Variants in ZFAND3 observed in about 807,000 individuals in gnomAD.
The protein encoded by ZFAND3 is zinc finger AN1-type containing 3.
A neutral mutation model predicts 29.6 loss-of-function variants in ZFAND3; 10 were observed. The ratio of observed to expected loss-of-function variants is 0.34; its 90% CI spans 0.21 to 0.57. The LOEUF (loss-of-function observed/expected upper bound fraction) is 0.57. ZFAND3 is among the 20% of genes least tolerant of loss of function. ZFAND3 has a pLI of 0.86. For synonymous variants in ZFAND3, 128 were observed against 112.6 expected (o/e 1.14, Z -0.87); for missense variants, 230 against 304.5 (o/e 0.76, Z 1.82).
At chr6:38,087,431 A>G (rs1008091690) in intron 4 of ZFAND3, among the ~76,000 whole-genome samples, 10 of 152,198 alleles carry the variant, frequency 6.6e-5, no homozygotes, top group African/African-American at 2.4e-4. Flanking sequence ...ATATTTGCAA[A>G]CTACTCATCT....
At chr6:38,000,509 T>G (rs1296092811) in intron 2 of ZFAND3, among the ~76,000 whole-genome samples, 3 of 152,100 alleles carry the variant, frequency 2.0e-5, no homozygotes, top group Non-Finnish European at 2.9e-5. Context: ...GAGACACATC[T>G]TACATGGTGG....
intron 2 of ZFAND3, among the ~76,000 whole-genome samples, chr6:37,973,686 T>C (rs188926963): frequency 6.6e-6 from 1 of 152,374 alleles, no homozygotes; most frequent in East Asian, 1.9e-4. Flanking sequence ...AGCTAGTGTT[T>C]CTGAGAGAAA....
intron 5 of ZFAND3, among the ~76,000 whole-genome samples, chr6:38,141,094 A>C (rs1054577720): frequency 2.0e-5 from 3 of 150,214 alleles, no homozygotes; most frequent in Admixed American, 6.8e-5. Flanking sequence ...TTGTACTTCT[A>C]AGCTCCTCGG....
intron 1 of ZFAND3, among the ~76,000 whole-genome samples, chr6:37,920,052 C>CTTTTTTTTT (rs11389241): frequency 1.1e-5 from 1 of 93,408 alleles, no homozygotes; most frequent in Admixed American, 1.3e-4. Flanking sequence ...TTTTTTGAAG[C>CTTTTTTTTT]TTTTTTTTTT....
At chr6:37,907,479 A>G (rs1561929670) in intron 1 of ZFAND3, among the ~76,000 whole-genome samples, 1 of 152,186 alleles carries the variant, frequency 6.6e-6, no homozygotes, top group Non-Finnish European at 1.5e-5. Context: ...AAATGGAATC[A>G]TAATGTATAG....
intron 5 of ZFAND3, among the ~76,000 whole-genome samples, chr6:38,129,122 A>G (rs1272544047): frequency 6.6e-6 from 1 of 152,070 alleles, no homozygotes; most frequent in Non-Finnish European, 1.5e-5. Flanking sequence ...TGCCATTTGT[A>G]TATCTTCTTT....
intron 2 of ZFAND3, among the ~76,000 whole-genome samples, chr6:37,967,824 T>G (rs1290457691): frequency 6.6e-6 from 1 of 152,214 alleles, no homozygotes; most frequent in Admixed American, 6.5e-5. Flanking sequence ...CTGTTTTTCC[T>G]TTTTAAGTGT....
intron 1 of ZFAND3, among the ~76,000 whole-genome samples, chr6:37,894,330 T>C (rs1765157485): frequency 6.6e-6 from 1 of 152,036 alleles, no homozygotes; most frequent in Non-Finnish European, 1.5e-5. Context: ...TTTGTGTAGG[T>C]TCATATTTTC....
intron 1 of ZFAND3, among the ~76,000 whole-genome samples, chr6:37,876,528 G>C (rs1764795511): frequency 6.6e-6 from 1 of 152,170 alleles, no homozygotes; most frequent in South Asian, 2.1e-4. Flanking sequence ...TGTTGTAAAG[G>C]CTGTATATTT....
intron 1 of ZFAND3, among the ~76,000 whole-genome samples, chr6:37,873,054 C>A (rs772918231): frequency 5.9e-5 from 9 of 152,054 alleles, no homozygotes; most frequent in Non-Finnish European, 8.8e-5. Flanking sequence ...GTCAGGAGAT[C>A]GAGACCATCT....
chr6:38,154,408 G>C lies in ZFAND3; in HGVS notation c.*2019G>C. On this transcript the variant is annotated 3_prime_UTR_variant, in exon 6 of 6. Transcript: ENST00000287218. ...GGGGGGTGGGGCTTGTTCCCCTGCA[G>C]TATCTGTTCTGTGAAGTTTGTTAAA... is the stretch of plus-strand genomic sequence containing the variant. 1.0e-6 allele frequency: 1 copy of C among 985,844 alleles called. No homozygotes were observed. The highest frequency in any genetic ancestry group is 1.7e-5 in the African/African-American group (1 of 57,328). 61.1% of individuals were successfully genotyped at this position (985,844 alleles called of 1,614,324 possible).
chr6:38,089,637 A>G (rs1281864092), intron 4 of ZFAND3, among the ~76,000 whole-genome samples: 1 of 152,198 alleles, frequency 6.6e-6, no homozygotes, highest in Admixed American at 6.5e-5. Context: ...TCAGAAGCTA[A>G]AGGTGTTGGT....
At chr6:38,145,471 A>C (rs184457365) in intron 5 of ZFAND3, among the ~76,000 whole-genome samples, 1 of 152,340 alleles carries the variant, frequency 6.6e-6, no homozygotes, top group East Asian at 1.9e-4. Context: ...GTTCTCAGTC[A>C]TGTAGGTTTA....
In ZFAND3 at chr6:37,953,783, TAAG is replaced by T. The variant is rs1306521756; in HGVS notation, c.112+23789_112+23791del. ...CAATTATCTTTTAAAGAGATTTAAT[TAAG>T]AAGATATCATATGTACTTGTCTATT... On this transcript the variant is annotated intron_variant, in intron 2 of 5. Transcript: ENST00000287218. Among the ~76,000 whole-genome samples, 8 of 152,302 alleles carry T rather than the reference TAAG, an allele frequency of 5.3e-5. No homozygotes were observed. The East Asian group carries it at 1.2e-3, about 22-fold the overall frequency.
intron 5 of ZFAND3, among the ~76,000 whole-genome samples, chr6:38,140,905 C>T (rs1004290435): frequency 6.6e-6 from 1 of 152,208 alleles, no homozygotes; most frequent in Admixed American, 6.5e-5. Context: ...TAAGCCTCTT[C>T]CCCTTCAGGG....
At chr6:38,136,829 G>T (rs115741443) in intron 5 of ZFAND3, among the ~76,000 whole-genome samples, 165 of 152,362 alleles carry the variant, frequency 1.1e-3, no homozygotes, top group Non-Finnish European at 2.0e-3. Context: ...TCCTTGTGAT[G>T]AATGCACAGG....
Position 38,154,376 on chromosome 6 carries a change from GGGGGGT to G in ZFAND3, c.*1993_*1998del. ...TGTTCGCTTCCTGACTTAGAGCTGG[GGGGGGT>G]GGGGGGTGGGGCTTGTTCCCCTGCA... On this transcript the variant is annotated 3_prime_UTR_variant, in exon 6 of 6. Transcript: ENST00000287218. 1.3e-6 allele frequency: 1 copy of G among 777,486 alleles called. No individual in the cohort carries two copies. The highest frequency in any genetic ancestry group is 1.6e-6 in the Non-Finnish European group (1 of 640,400). 48.2% of individuals were successfully genotyped at this position (777,486 alleles called of 1,614,324 possible).
At chr6:37,909,333 GCAGTGGTACGATC>G (rs1482500992) in intron 1 of ZFAND3, among the ~76,000 whole-genome samples, 6 of 149,364 alleles carry the variant, frequency 4.0e-5, no homozygotes, top group East Asian at 2.0e-4. Context: ...AGGCTGGAGT[GCAGTGGTACGATC>G]TTAGCTCACT....
intron 2 of ZFAND3, among the ~76,000 whole-genome samples, chr6:38,023,179 A>C (rs1205326649): frequency 2.0e-5 from 3 of 152,318 alleles, no homozygotes; most frequent in African/African-American, 7.2e-5. Flanking sequence ...CTAGCCAGAC[A>C]CTGAATCAAG....
Sources: allele counts gnomAD v4.1 joint callset (sites outside exome capture counted in the v4.1 genomes callset), GRCh38; gene constraint gnomAD v4.1.1; transcripts MANE v1.5; gene names NCBI Gene and HGNC (gene_info 2026-07-23, HGNC 2026-07-21).